CRYZL1: variants seen among roughly 807,000 people sequenced by gnomAD.
CRYZL1 encodes the protein ferry endosomal RAB5 effector complex subunit 4.
Under a neutral mutation model 50.6 loss-of-function variants are expected in CRYZL1, and 34 were observed. That is an observed-to-expected ratio of 0.67 (90% CI 0.51 to 0.89). CRYZL1 has a LOEUF of 0.89. CRYZL1 is among the 40% of genes least tolerant of loss of function. CRYZL1 has a pLI of 0.00. For missense variants in CRYZL1, 354 were observed against 402.3 expected (o/e 0.88, Z 1.03); for synonymous variants, 125 against 134.3 (o/e 0.93, Z 0.48).
intron 6 of CRYZL1, among the ~76,000 whole-genome samples, chr21:33,610,079 G>A (rs1194903363): frequency 6.6e-6 from 1 of 151,634 alleles, no homozygotes; most frequent in East Asian, 1.9e-4. Context: ...TGAACTCCTG[G>A]GCTCAAGCAA....
chr21:33,591,045 T>C, intron 12 of CRYZL1, 117 bp downstream of exon 12: 1 of 750,762 alleles, frequency 1.3e-6, no homozygotes, highest in Non-Finnish European at 2.4e-6. Context: ...AACCTAATAA[T>C]AAAATATGGA....
chr21:33,622,113 T>A, intron 3 of CRYZL1, 45 bp from the exon 4 acceptor site: 2 of 1,425,730 alleles, frequency 1.4e-6, no homozygotes, highest in African/African-American at 1.4e-5. Context: ...TCAGAAGAAA[T>A]CCTGGACTCC....
intron 1 of CRYZL1, among the ~76,000 whole-genome samples, chr21:33,634,085 G>C (rs2087172696): frequency 6.6e-6 from 1 of 152,194 alleles, no homozygotes; most frequent in South Asian, 2.1e-4. Context: ...TACGTATGTA[G>C]CATGTATCAA....
chr21:33,597,505 A>G, intron 9 of CRYZL1, 104 bp from the exon 10 acceptor site: 1 of 935,512 alleles, frequency 1.1e-6, no homozygotes, highest in Non-Finnish European at 1.6e-6. Context: ...ATTTAGAGAC[A>G]AGGTCTTACT....
chr21:33,626,765 T>A (rs1284681566), intron 2 of CRYZL1, among the ~76,000 whole-genome samples: 1 of 151,582 alleles, frequency 6.6e-6, no homozygotes, highest in Non-Finnish European at 1.5e-5. Flanking sequence ...ACACTCAATG[T>A]CATCCACCTA....
intron 9 of CRYZL1, among the ~76,000 whole-genome samples, chr21:33,597,933 C>G (rs984066056): frequency 6.6e-6 from 1 of 152,144 alleles, no homozygotes; most frequent in African/African-American, 2.4e-5. Flanking sequence ...TTTTAATGTA[C>G]AAATGAGGAA....
At chr21:33,625,842 A>G (rs75013937) in intron 2 of CRYZL1, among the ~76,000 whole-genome samples, 1 of 151,998 alleles carries the variant, frequency 6.6e-6, no homozygotes, top group South Asian at 2.1e-4. Flanking sequence ...TTAAAAAAAA[A>G]TAGAGATGGT....
rs1416394049 is a variant in CRYZL1 at position 33,614,892 on chromosome 21, C to T, written c.263-1286G>A. Among the ~76,000 whole-genome samples, 4 of 151,950 alleles carry T rather than the reference C, an allele frequency of 2.6e-5. No individual in the cohort carries two copies. In the East Asian group the frequency reaches 7.8e-4, roughly 29 times the overall value. On this transcript the variant is annotated intron_variant, in intron 5 of 12. Transcript: ENST00000381554. ...GCCAGAGTATGTTTCTAATAAAATC[C>T]CATTTTTCTTCTAAGCTAGTCTGAT...
At chr21:33,609,857 C>G (rs1189095381) in intron 6 of CRYZL1, among the ~76,000 whole-genome samples, 6 of 152,002 alleles carry the variant, frequency 3.9e-5, no homozygotes, top group Non-Finnish European at 7.4e-5. Context: ...CACCTGCCAC[C>G]ACGCCCGGCT....
rs763246778 is a variant in CRYZL1, at chr21:33,622,003, T to A, written c.210A>T (p.Val70=). The change falls in exon 4 of 13, where the codon GTA becomes GTT. Residue 70 remains valine (V), a synonymous_variant. Transcript: ENST00000381554. ...TCACATCTGTATACTTACCATCTAA[T>A]ACAATTCCAGCAATTTCTCTCCCAA... ...FPVGREIAGI[V]LDVGSKVSFF... 6 of 1,605,884 alleles carry A rather than the reference T, an allele frequency of 3.7e-6. No individual in the cohort carries two copies. The highest frequency in any genetic ancestry group is 4.3e-6 in the Non-Finnish European group (5 of 1,172,894).
At chr21:33,631,440 G>T in intron 2 of CRYZL1, 46 bp downstream of exon 2, 1 of 1,377,144 alleles carries the variant, frequency 7.3e-7, no homozygotes, top group African/African-American at 1.5e-5. Flanking sequence ...GTTTATTGCA[G>T]ATAAAAATAC....
chr21:33,631,541 A>G lies in CRYZL1; in HGVS notation c.11T>C (p.Leu4Ser). The G allele has an allele frequency of 6.6e-7, 1 of 1,510,896 alleles. No homozygotes were observed. The highest frequency in any genetic ancestry group is 8.8e-7 in the Non-Finnish European group (1 of 1,134,690). 93.6% of individuals were successfully genotyped at this position (1,510,896 alleles called of 1,614,324 possible). A position where few individuals can be genotyped will look rare whatever the true frequency, so the allele number is the denominator to read the frequency against. Reference protein sequence around the residue: MKGLYFQQSSTDEE... With the variant: MKGSYFQQSSTDEE... ...ATCTGTGGAACTCTGTTGGAAATAT[A>G]AGCCTTTCATAGTCACCTAAAAATA... is the stretch of plus-strand genomic sequence containing the variant. Residue 4 changes from leucine (L) to serine (S), a missense_variant, in exon 2 of 13, where the codon TTA becomes TCA. By Grantham distance (145) the Leu-to-Ser change is moderately radical (BLOSUM62 -2). Transcript: ENST00000381554.
At chr21:33,628,044 C>A (rs1446228569) in intron 2 of CRYZL1, among the ~76,000 whole-genome samples, 1 of 152,108 alleles carries the variant, frequency 6.6e-6, no homozygotes. Flanking sequence ...CGCACCTGGC[C>A]GAGACAAGGT....
intron 11 of CRYZL1, chr21:33,595,173 T>C: frequency 9.2e-7 from 1 of 1,087,778 alleles, no homozygotes; most frequent in Non-Finnish European, 1.1e-6. Flanking sequence ...CTGGAATGAT[T>C]TGGCTTCAAT....
intron 11 of CRYZL1, chr21:33,591,414 C>G (rs751028085): frequency 6.9e-6 from 4 of 576,260 alleles, no homozygotes; most frequent in Middle Eastern, 4.5e-4. Flanking sequence ...TGTAATAGAG[C>G]CTAAATTTCC....
At position 33,602,259 on chromosome 21, in the gene CRYZL1, G is replaced by T; in HGVS notation, c.552C>A (p.Cys184Ter). 1 of 1,604,172 alleles carries T rather than the reference G, an allele frequency of 6.2e-7. No homozygotes were observed. Among genetic ancestry groups the T allele is most frequent in the Admixed American group, 1.7e-5 (1 of 59,972 alleles). Reference protein sequence around the residue: ...STACSLEDKQCLERFRPPIAR... With the variant: ...STACSLEDKQ ...CTATGGGAGGTCTGAATCTTTCAAG[G>T]CACTGCTTATCTTCAAGGCTGCATG... The change falls in exon 8 of 13, where the codon TGC (cysteine) becomes TGA (stop). Residue 184 changes from cysteine to a stop codon, truncating the protein, a stop_gained. Transcript: ENST00000381554. LOFTEE classifies it high-confidence loss of function.
Position 33,622,141 on chromosome 21 carries a change from C to T in CRYZL1, c.145-73G>A, listed in dbSNP as rs769066629. The T allele has an allele frequency of 3.3e-4, 400 of 1,208,196 alleles. 1 individual carries two copies. The highest frequency in any genetic ancestry group is 4.4e-4 in the Non-Finnish European group (364 of 836,654). 74.8% of individuals were successfully genotyped at this position (1,208,196 alleles called of 1,614,324 possible). A position where few individuals can be genotyped will look rare whatever the true frequency, so the allele number is the denominator to read the frequency against. On this transcript the variant is annotated intron_variant, in intron 3 of 12. Coordinates refer to ENST00000381554, the MANE Select transcript of CRYZL1 (RefSeq NM_145858.3). ...TGGACTCCATTATATATGAGGAAAG[C>T]GAGAGTAAAAGTCAAATCACAGAAA...
chr21:33,624,787 A>G, intron 2 of CRYZL1, 27 bp from the exon 3 acceptor site: 1 of 1,578,102 alleles, frequency 6.3e-7, no homozygotes. Context: ...ACAAAACAAT[A>G]TGTTATTTTA....
At chr21:33,618,050 G>C (rs930768025) in intron 4 of CRYZL1, among the ~76,000 whole-genome samples, 4 of 152,134 alleles carry the variant, frequency 2.6e-5, no homozygotes, top group Non-Finnish European at 5.9e-5. Context: ...AGCACTTTGG[G>C]AGGCCGAGGC....
Sources: gnomAD v4.1 joint callset for allele counts (sites outside exome capture counted in the v4.1 genomes callset) on GRCh38, gnomAD v4.1.1 for gene constraint, MANE v1.5 for transcripts, NCBI Gene and HGNC (gene_info 2026-07-23, HGNC 2026-07-21) for gene names.